The following PEX1 variants were observed in gnomAD, a reference collection of about 807,000 sequenced individuals.
PEX1 encodes peroxisomal ATPase PEX1.
In PEX1, 97 loss-of-function variants were observed where a neutral mutation model predicts 152.5. The ratio of observed to expected loss-of-function variants is 0.64; its 90% CI spans 0.54 to 0.75. The LOEUF (loss-of-function observed/expected upper bound fraction) is 0.75. Ranked by LOEUF, PEX1 falls within the 30% of genes least tolerant of loss-of-function variation. PEX1 has a pLI of 0.00. For missense variants in PEX1, 1,357 were observed against 1,516.3 expected, an observed-to-expected ratio of 0.89 and a Z score of 1.74; for synonymous variants, 485 against 531.6, an observed-to-expected ratio of 0.91 and a Z score of 1.21.
chr7:92,494,185 A>T (rs756277787), intron 19 of PEX1, 108 bp downstream of exon 19: 1 of 829,704 alleles, frequency 1.2e-6, no homozygotes, highest in Non-Finnish European at 2.0e-6. Context: ...CTTTTCCCTA[A>T]GAAAGCTGGT....
At chr7:92,492,775 T>C (rs927453765) in intron 20 of PEX1, among the ~76,000 whole-genome samples, 178 bp downstream of exon 20, 12 of 152,218 alleles carry the variant, frequency 7.9e-5, no homozygotes, top group African/African-American at 2.9e-4. Context: ...TTCATAATTA[T>C]AAATTCTCTG....
At chr7:92,506,746 T>C (rs1332147641) in intron 10 of PEX1, 10 of 546,096 alleles carry the variant, frequency 1.8e-5, no homozygotes, top group East Asian at 3.2e-5. Context: ...AAAAACCATA[T>C]AATTGTATCA....
At chr7:92,515,093 A>ATATCTATATATATATATATATC (rs1562863823) in intron 5 of PEX1, among the ~76,000 whole-genome samples, 1 of 5,180 alleles carries the variant, frequency 1.9e-4, no homozygotes, top group African/African-American at 9.2e-4. Context: ...ATATATATAT[A>ATATCTATATATATATATATATC]TATATATATA....
At chr7:92,528,134 T>C (rs900053640) in intron 1 of PEX1, among the ~76,000 whole-genome samples, 173 bp downstream of exon 1, 1 of 152,252 alleles carries the variant, frequency 6.6e-6, no homozygotes, top group Non-Finnish European at 1.5e-5. Flanking sequence ...AGGGCTGCAC[T>C]GGACTTGTGG....
At position 92,492,904 on chromosome 7, in the gene PEX1, T is replaced by A. The variant is rs751624823; in HGVS notation, c.3207+49A>T. On this transcript the variant is annotated intron_variant, in intron 20 of 23. Coordinates refer to ENST00000248633, the MANE Select transcript of PEX1 (RefSeq NM_000466.3). ...TAAGGTGGAAATTTTGACATTGTAC[T>A]TCTTTTATCACTCATAAAATGTCAT... The A allele has an allele frequency of 2.1e-6, 3 of 1,406,056 alleles. No individual in the cohort carries two copies. The Admixed American group carries it at 5.0e-5, about 24-fold the overall frequency. The allele number at this position is 1,406,056 out of a possible 1,614,324, so 87.1% of individuals were successfully genotyped here. A position where few individuals can be genotyped will look rare whatever the true frequency, so the allele number is the denominator to read the frequency against.
intron 2 of PEX1, 118 bp from the exon 3 acceptor site, chr7:92,519,196 G>C: frequency 1.5e-6 from 1 of 675,622 alleles, no homozygotes. Context: ...GTATGTTTTG[G>C]ATGGGGGTGT....
intron 1 of PEX1, 55 bp from the exon 2 acceptor site, chr7:92,522,300 T>C: frequency 6.5e-7 from 1 of 1,549,090 alleles, no homozygotes; most frequent in Non-Finnish European, 8.9e-7. Flanking sequence ...TTTTCTGGAT[T>C]CACATGAAAA....
rs1166353324 is a variant in PEX1, at chr7:92,487,464, A to G, written c.3845T>C (p.Leu1282Ser). 6.4e-7 allele frequency: 1 copy of G among 1,567,076 alleles called. No homozygotes were observed. Among genetic ancestry groups the G allele is most frequent in the South Asian group, 1.1e-5 (1 of 87,812 alleles). ...ATCAAAAAGAAGTATATTTTATGCT[A>G]AAGTTACTTTCTGTCCAGGTCGAAA... is the stretch of plus-strand genomic sequence containing the variant. ...TMFRPGQKVT[L>S]A is the part of the protein sequence containing the mutation. The change falls in exon 24 of 24, where the codon TTA (leucine) becomes TCA (serine). Residue 1282 changes from leucine (L) to serine (S), a missense_variant. Physicochemically the swap from Leu to Ser is moderately radical, Grantham distance 145 (BLOSUM62 -2). Coordinates refer to ENST00000248633, the MANE Select transcript of PEX1 (RefSeq NM_000466.3).
chr7:92,511,831 T>A, intron 6 of PEX1, 128 bp from the exon 7 acceptor site: 1 of 818,862 alleles, frequency 1.2e-6, no homozygotes, highest in Non-Finnish European at 2.0e-6. Flanking sequence ...AGGATGTTCA[T>A]GTTCTATAGG....
At position 92,516,067 on chromosome 7, in the gene PEX1, A is replaced by G. The variant is rs927400815; in HGVS notation, c.1239+1209T>C. Among the ~76,000 whole-genome samples, 232 of 134,614 alleles carry G rather than the reference A, an allele frequency of 1.7e-3. 1 individual carries two copies. The highest frequency in any genetic ancestry group is 3.9e-3 in the Middle Eastern group (1 of 258). 88.3% of individuals were successfully genotyped at this position (134,614 alleles called of 152,430 possible). ...AGAAGAGAAGAGAAAAAAGAAAAGA[A>G]AAGAAAAGAAAAGAAAAGAAAAGAA... On this transcript the variant is annotated intron_variant, in intron 5 of 23. Coordinates refer to ENST00000248633, the MANE Select transcript of PEX1 (RefSeq NM_000466.3).
At chr7:92,519,913 T>C (rs538650615) in intron 2 of PEX1, among the ~76,000 whole-genome samples, 10 of 152,200 alleles carry the variant, frequency 6.6e-5, no homozygotes, top group Non-Finnish European at 1.2e-4. Context: ...TAACCAACCC[T>C]TCCTCTCTGC....
rs1169565016 is a variant in PEX1, at chr7:92,528,517, G to T, written c.-82C>A. Reference sequence around the variant, plus strand: ...CCGGCAGGCCGAGGACGTCGGAGCCGGAGGAGATCGATCGGCCCCGCCCCC... The same window carrying T: ...CCGGCAGGCCGAGGACGTCGGAGCCTGAGGAGATCGATCGGCCCCGCCCCC... On this transcript the variant is annotated 5_prime_UTR_variant, in exon 1 of 24. Coordinates refer to ENST00000248633, the MANE Select transcript of PEX1 (RefSeq NM_000466.3). 1.4e-6 allele frequency: 2 copies of T among 1,465,204 alleles called. No homozygotes were observed. The highest frequency in any genetic ancestry group is 2.5e-5 in the East Asian group (1 of 39,866). The allele number at this position is 1,465,204 out of a possible 1,614,324, so 90.8% of individuals were successfully genotyped here.
At chr7:92,505,434 A>G (rs1180248291) in intron 11 of PEX1, among the ~76,000 whole-genome samples, 1 of 152,024 alleles carries the variant, frequency 6.6e-6, no homozygotes, top group East Asian at 1.9e-4. Flanking sequence ...AAAAGAAAAA[A>G]GAAAAGGAAT....
rs201865158 is a variant in PEX1, at chr7:92,525,251, TTAA to T, written c.130-3009_130-3007del. Among the ~76,000 whole-genome samples the T allele has an allele frequency of 1.4e-4, 22 of 152,180 alleles. No individual in the cohort carries two copies. In the East Asian group the frequency reaches 4.2e-3, roughly 29 times the overall value. On this transcript the variant is annotated intron_variant, in intron 1 of 23. Coordinates refer to ENST00000248633, the MANE Select transcript of PEX1 (RefSeq NM_000466.3). ...CCAGGAGTCAAATCAAATCAATCAA[TTAA>T]TTGACCTTCTTTGACCCAAACTGAG...
Position 92,518,216 on chromosome 7 carries a change from G to C in PEX1, c.397C>G (p.Gln133Glu). The C allele has an allele frequency of 1.2e-6, 2 of 1,613,246 alleles. No homozygotes were observed. The highest frequency in any genetic ancestry group is 1.7e-6 in the Non-Finnish European group (2 of 1,179,308). The change falls in exon 4 of 24, where the codon CAA becomes GAA. Residue 133 changes from glutamine to glutamate, a missense_variant. By Grantham distance (29) the Gln-to-Glu change is conservative (BLOSUM62 2). Coordinates refer to ENST00000248633, the MANE Select transcript of PEX1 (RefSeq NM_000466.3). Reference sequence around the variant, plus strand: ...GCTTTTGGAAAAACTATTCGAATTTGATCTAGAAGATGTTGTTCAAGGGAA... The same window carrying C: ...GCTTTTGGAAAAACTATTCGAATTTCATCTAGAAGATGTTGTTCAAGGGAA... ...AVSLEQHLLD[Q>E]IRIVFPKAIF...
intron 5 of PEX1, among the ~76,000 whole-genome samples, chr7:92,514,200 C>T (rs566249511): frequency 8.5e-5 from 13 of 152,238 alleles, no homozygotes; most frequent in Non-Finnish European, 1.6e-4. Context: ...TATAAGAGCA[C>T]GAATCCCATT....
chr7:92,495,842 C>G (rs2116105154), intron 17 of PEX1, among the ~76,000 whole-genome samples: 1 of 152,000 alleles, frequency 6.6e-6, no homozygotes, highest in East Asian at 1.9e-4. Context: ...TAGTTTATAT[C>G]TATAATTTTC....
chr7:92,521,025 T>C (rs1323321501), intron 2 of PEX1, among the ~76,000 whole-genome samples: 2 of 152,108 alleles, frequency 1.3e-5, no homozygotes. Context: ...CGGGCTGGAG[T>C]GCATAATCAT....
At chr7:92,510,824 T>C (rs374534397) in intron 8 of PEX1, 120 bp downstream of exon 8, 1 of 612,492 alleles carries the variant, frequency 1.6e-6, no homozygotes, top group Non-Finnish European at 3.0e-6. Flanking sequence ...AGTTATTCCT[T>C]ACTCTTAGCA....
Sources: allele counts gnomAD v4.1 joint callset (sites outside exome capture counted in the v4.1 genomes callset), GRCh38; gene constraint gnomAD v4.1.1; transcripts MANE v1.5; gene names NCBI Gene and HGNC (gene_info 2026-07-23, HGNC 2026-07-21).